The following ZDHHC24 variants were observed in gnomAD, a reference collection of about 807,000 sequenced individuals.
ZDHHC24 encodes the protein probable palmitoyltransferase ZDHHC24.
ZDHHC24 carries 17 observed loss-of-function variants against 23.2 expected under a neutral mutation model. That is an observed-to-expected ratio of 0.73 (90% CI 0.50 to 1.10). The LOEUF is 1.10. Ranked by LOEUF, ZDHHC24 falls within the 50% of genes least tolerant of loss-of-function variation. The pLI is 0.00. For missense variants in ZDHHC24, 366 were observed against 393.0 expected (o/e 0.93, Z 0.58); for synonymous variants, 186 against 194.5 (o/e 0.96, Z 0.36).
rs1430280140 is a variant in ZDHHC24 at position 66,546,043 on chromosome 11, G to C, written c.-40C>G. The C allele has an allele frequency of 1.5e-6, 2 of 1,367,770 alleles. No homozygotes were observed. The highest frequency in any genetic ancestry group is 1.7e-5 in the South Asian group (1 of 57,900). The allele number at this position is 1,367,770 out of a possible 1,614,324, so 84.7% of individuals were successfully genotyped here. ...GCTGTCGGAGCCGGAGGACTAGGCC[G>C]CTTCCGTATTGGGGCGGAGATAGCG... is the stretch of plus-strand genomic sequence containing the variant. On this transcript the variant is annotated 5_prime_UTR_variant, in exon 1 of 3. Transcript: ENST00000310442.
intron 4 of ZDHHC24, among the ~76,000 whole-genome samples, chr11:66,525,016 C>T (rs997761603): frequency 1.3e-5 from 2 of 151,932 alleles, no homozygotes; most frequent in African/African-American, 4.8e-5. Flanking sequence ...CTGGCTAACA[C>T]GGTAAAACCC....
chr11:66,543,458 G>A (rs1375725956), intron 2 of ZDHHC24, among the ~76,000 whole-genome samples: 1 of 152,184 alleles, frequency 6.6e-6, no homozygotes, highest in Non-Finnish European at 1.5e-5. Context: ...ACTCCCACGA[G>A]TCTTTCTCCT....
chr11:66,526,422 C>T (rs190635419), intron 4 of ZDHHC24, among the ~76,000 whole-genome samples: 17 of 152,314 alleles, frequency 1.1e-4, no homozygotes, highest in African/African-American at 3.8e-4. Context: ...GTGCCTGCCA[C>T]GATGCCAGGA....
At position 66,537,335 on chromosome 11, in the gene ZDHHC24, G is replaced by A. The variant is rs528959644; in HGVS notation, c.*2194C>T. The A allele has an allele frequency of 1.3e-5, 2 of 151,906 alleles. No individual in the cohort carries two copies. Among genetic ancestry groups the A allele is most frequent in the Non-Finnish European group, 2.9e-5 (2 of 67,956 alleles). 9.4% of individuals were successfully genotyped at this position (151,906 alleles called of 1,614,324 possible). On this transcript the variant is annotated 3_prime_UTR_variant, in exon 3 of 3. Coordinates refer to ENST00000310442, the MANE Select transcript of ZDHHC24 (RefSeq NM_207340.3). ...TGTGGGTGGGGTGTGGGTGGGATGT[G>A]GGGGAGCGGCACCCCACTGATCCTT...
At chr11:66,526,243 A>C (rs751173108) in intron 4 of ZDHHC24, 10 of 1,552,966 alleles carry the variant, frequency 6.4e-6, no homozygotes, top group Non-Finnish European at 7.1e-6. Context: ...GTGAAGGGAC[A>C]GGCCTGCTTC....
In ZDHHC24 at chr11:66,545,609, G is replaced by A; in HGVS notation, c.281+114C>T. 8.0e-7 allele frequency: 1 copy of A among 1,245,990 alleles called. No individual in the cohort carries two copies. Among genetic ancestry groups the A allele is most frequent in the Non-Finnish European group, 1.1e-6 (1 of 943,510 alleles). The allele number at this position is 1,245,990 out of a possible 1,614,324, so 77.2% of individuals were successfully genotyped here. On this transcript the variant is annotated intron_variant, in intron 1 of 2. Coordinates refer to ENST00000310442, the MANE Select transcript of ZDHHC24 (RefSeq NM_207340.3). The surrounding 1 kb of genome is among the most constrained non-coding windows in gnomAD (Gnocchi z 4.5). ...CATCCCAGGTTCTAAAAAAATGTCT[G>A]ATTCTAACAACCTGGATCCTAATGT...
At chr11:66,522,668 A>G (rs535691711) in intron 4 of ZDHHC24, among the ~76,000 whole-genome samples, 1 of 152,290 alleles carries the variant, frequency 6.6e-6, no homozygotes, top group African/African-American at 2.4e-5. Flanking sequence ...TTTTAATTCA[A>G]TAAATATTTA....
rs769090687 is a variant in ZDHHC24, at chr11:66,529,864, G to A, written c.560-376C>T. 14 of 1,610,368 alleles carry A rather than the reference G, an allele frequency of 8.7e-6. No homozygotes were observed. The highest frequency in any genetic ancestry group is 1.6e-4 in the Middle Eastern group (1 of 6,084). On this transcript the variant is annotated intron_variant, in intron 2 of 4. Coordinates refer to the ZDHHC24 transcript ENST00000526986. ...ACAGACCTATACCTGCTGCGCCTAC[G>A]TGCTGCCCGCGCCTACCTGCAGGCC... is the stretch of plus-strand genomic sequence containing the variant.
chr11:66,526,859 C>G (rs1310386181), intron 4 of ZDHHC24: 1 of 1,613,974 alleles, frequency 6.2e-7, no homozygotes, highest in African/African-American at 1.3e-5. Flanking sequence ...TGCTCCTACA[C>G]AGCAAAGCTG....
Position 66,538,666 on chromosome 11 carries a change from C to A in ZDHHC24, c.*863G>T, listed in dbSNP as rs556221581. 13 of 152,094 alleles carry A rather than the reference C, an allele frequency of 8.5e-5. No individual in the cohort carries two copies. Among genetic ancestry groups the A allele is most frequent in the Non-Finnish European group, 7.4e-5 (5 of 68,018 alleles). 9.4% of individuals were successfully genotyped at this position (152,094 alleles called of 1,614,324 possible). A position where few individuals can be genotyped will look rare whatever the true frequency, so the allele number is the denominator to read the frequency against. On this transcript the variant is annotated 3_prime_UTR_variant, in exon 3 of 3. Transcript: ENST00000310442. ...GAGAGATCCTAAGAGAAAACTGAGA[C>A]GAACACATGTGTTTAGGCCTGCCAT... is the stretch of plus-strand genomic sequence containing the variant.
rs2134795241 is a variant in ZDHHC24, at chr11:66,523,528, C to T, written c.*22-2062G>A. The T allele has an allele frequency of 6.2e-7, 1 of 1,614,146 alleles. No homozygotes were observed. Among genetic ancestry groups the T allele is most frequent in the Non-Finnish European group, 8.5e-7 (1 of 1,180,008 alleles). ...TGGGACTTATCCGGGTACACAAGGT[C>T]CTAGTGGTGGGCAGCACCCAAGACA... On this transcript the variant is annotated intron_variant, in intron 4 of 4. Transcript: ENST00000526986.
At chr11:66,524,033 A>G in intron 4 of ZDHHC24, 2 of 1,192,350 alleles carry the variant, frequency 1.7e-6, no homozygotes, top group Non-Finnish European at 1.2e-6. Context: ...TAATCCCAGC[A>G]CTTTGGGAGG....
At chr11:66,521,254 C>A in exon 5 of ZDHHC24, 1 of 1,602,012 alleles carries the variant, frequency 6.2e-7, no homozygotes, top group Non-Finnish European at 8.6e-7. Context: ...GGAGTGTTTG[C>A]GCTTCTTGTT....
rs145836787 is a variant in ZDHHC24, at chr11:66,525,673, G to A, written c.*21+1263C>T. On this transcript the variant is annotated intron_variant, in intron 4 of 4. Coordinates refer to the ZDHHC24 transcript ENST00000526986. Reference sequence around the variant, plus strand: ...TTGGGCCATAGGTGCTGGGAGGGCCGGTGGTATGCTCGTTGAAAGAAGGGT... The same window carrying A: ...TTGGGCCATAGGTGCTGGGAGGGCCAGTGGTATGCTCGTTGAAAGAAGGGT... 4.6e-5 allele frequency among the ~76,000 whole-genome samples: 7 copies of A among 152,328 alleles called. 1 individual carries two copies. Among genetic ancestry groups the A allele is most frequent in the African/African-American group, 1.4e-4 (6 of 41,582 alleles).
Position 66,545,968 on chromosome 11 carries a change from C to CCCGT in ZDHHC24, c.32_35dup (p.Ala13ArgfsTer227). ...GCACGAGAGGCAGCTGCGCGGGCGC[C>CCCGT]CCGTCCGTGCTCCCAGCCGCCCAGG... On this transcript the variant is annotated frameshift_variant, in exon 1 of 3. Transcript: ENST00000310442. LOFTEE classifies it high-confidence loss of function. The surrounding 1 kb of genome is among the most constrained non-coding windows in gnomAD (Gnocchi z 4.5). The CCCGT allele has an allele frequency of 7.0e-7, 1 of 1,425,194 alleles. No homozygotes were observed. Among genetic ancestry groups the CCCGT allele is most frequent in the East Asian group, 2.8e-5 (1 of 35,584 alleles). The allele number at this position is 1,425,194 out of a possible 1,614,324, so 88.3% of individuals were successfully genotyped here.
At chr11:66,543,068 C>T (rs919716467) in intron 2 of ZDHHC24, among the ~76,000 whole-genome samples, 2 of 151,916 alleles carry the variant, frequency 1.3e-5, no homozygotes, top group Admixed American at 6.6e-5. Context: ...GGAATGGGGG[C>T]GAGAAAGGCC....
rs376048364 is a variant in ZDHHC24, at chr11:66,539,481, C to T, written c.*48G>A. 248 of 1,482,014 alleles carry T rather than the reference C, an allele frequency of 1.7e-4. No homozygotes were observed. The highest frequency in any genetic ancestry group is 2.0e-4 in the Non-Finnish European group (229 of 1,118,076). 91.8% of individuals were successfully genotyped at this position (1,482,014 alleles called of 1,614,324 possible). ...TCCTTACTGAGTCTAGGTGTGGGGG[C>T]CCCCCTCTCACCCCTTCCTCCCTGC... On this transcript the variant is annotated 3_prime_UTR_variant, in exon 3 of 3. Coordinates refer to ENST00000310442, the MANE Select transcript of ZDHHC24 (RefSeq NM_207340.3).
chr11:66,524,745 T>A (rs1025163500), intron 4 of ZDHHC24, among the ~76,000 whole-genome samples: 6 of 152,252 alleles, frequency 3.9e-5, no homozygotes, highest in African/African-American at 1.4e-4. Context: ...GCAACATTTT[T>A]AAAAATAGAA....
chr11:66,530,679 C>G (rs1485986339), downstream of ZDHHC24, among the ~76,000 whole-genome samples: 2 of 152,168 alleles, frequency 1.3e-5, no homozygotes, highest in Admixed American at 1.3e-4. Flanking sequence ...CAGGCCAGCT[C>G]TGCCTCTGAC....
Sources: allele counts gnomAD v4.1 joint callset (sites outside exome capture counted in the v4.1 genomes callset), GRCh38; gene constraint gnomAD v4.1.1; non-coding constraint Gnocchi (gnomAD v3.1); transcripts MANE v1.5; gene names NCBI Gene and HGNC (gene_info 2026-07-23, HGNC 2026-07-21).